Variants in RXRG observed in about 807,000 individuals in gnomAD.
RXRG encodes retinoic acid receptor RXR-gamma.
Under a neutral mutation model 49.2 loss-of-function variants are expected in RXRG, and 19 were observed. That is an observed-to-expected ratio of 0.39 (90% CI 0.27 to 0.57). The LOEUF is 0.57. RXRG is among the 20% of genes least tolerant of loss of function. The probability of loss-of-function intolerance (pLI) is 0.64; values close to 1 mark genes in which losing one functional copy is unlikely to be tolerated. For synonymous variants in RXRG, 224 were observed against 216.6 expected, an observed-to-expected ratio of 1.03 and a Z score of -0.30; for missense variants, 452 against 592.5, an observed-to-expected ratio of 0.76 and a Z score of 2.46.
At chr1:165,403,050 C>T (rs1348668023) in intron 9 of RXRG, among the ~76,000 whole-genome samples, 2 of 151,768 alleles carry the variant, frequency 1.3e-5, no homozygotes, top group Non-Finnish European at 2.9e-5. Context: ...CTCACACACT[C>T]ACTCATACAC....
chr1:165,441,514 A>G (rs1659002768), intron 1 of RXRG, among the ~76,000 whole-genome samples: 1 of 152,146 alleles, frequency 6.6e-6, no homozygotes, highest in South Asian at 2.1e-4. Context: ...TCACCTCTCA[A>G]TTCCTCTGTT....
At chr1:165,441,180 C>A (rs950082062) in intron 1 of RXRG, among the ~76,000 whole-genome samples, 2 of 152,220 alleles carry the variant, frequency 1.3e-5, no homozygotes, top group African/African-American at 4.8e-5. Context: ...AGGACTCTTG[C>A]AAATAAGTAT....
intron 1 of RXRG, among the ~76,000 whole-genome samples, chr1:165,437,809 T>C (rs1327888592): frequency 6.6e-6 from 1 of 152,222 alleles, no homozygotes; most frequent in African/African-American, 2.4e-5. Context: ...CAGGATCCCC[T>C]GGAGCCTCTC....
At chr1:165,411,869 C>A (rs559750515) in intron 4 of RXRG, among the ~76,000 whole-genome samples, 31 of 152,324 alleles carry the variant, frequency 2.0e-4, no homozygotes, top group African/African-American at 7.5e-4. Flanking sequence ...CAATTCTATG[C>A]TCTTCATCAG....
At chr1:165,402,547 C>T (rs1657613695) in intron 9 of RXRG, among the ~76,000 whole-genome samples, 1 of 104,422 alleles carries the variant, frequency 9.6e-6, no homozygotes. Context: ...ATCCTACACA[C>T]TCACACATGC....
At chr1:165,420,803 G>A (rs1212774543) in intron 2 of RXRG, among the ~76,000 whole-genome samples, 1 of 152,150 alleles carries the variant, frequency 6.6e-6, no homozygotes, top group Non-Finnish European at 1.5e-5. Context: ...TAGAAACCCA[G>A]AAGGTATATC....
In RXRG at chr1:165,411,145, T is replaced by C; in HGVS notation, c.623-36A>G. On this transcript the variant is annotated intron_variant, in intron 4 of 9. Transcript: ENST00000359842. ...GCAGGACATGCAGAGGTTACCATAA[T>C]GCCCAGGACAACAGTGGGAAAGTTT... 3.1e-6 allele frequency: 5 copies of C among 1,600,176 alleles called. No homozygotes were observed. The South Asian group carries it at 4.5e-5, about 14-fold the overall frequency.
chr1:165,406,986 G>A (rs1657775708), intron 8 of RXRG, 69 bp from the exon 9 acceptor site: 2 of 1,149,586 alleles, frequency 1.7e-6, no homozygotes, highest in African/African-American at 1.5e-5. Context: ...ATTCTCTCTG[G>A]CCACTCTCTG....
At chr1:165,408,446 A>G (rs964895985) in intron 7 of RXRG, 128 bp from the exon 8 acceptor site, 7 of 666,082 alleles carry the variant, frequency 1.1e-5, no homozygotes, top group Non-Finnish European at 1.9e-5. Context: ...TACTAGGGGT[A>G]CAGAAATGAA....
At chr1:165,411,667 G>A (rs529222432) in intron 4 of RXRG, among the ~76,000 whole-genome samples, 6 of 152,296 alleles carry the variant, frequency 3.9e-5, no homozygotes, top group South Asian at 2.1e-4. Context: ...GTGAAGGGGT[G>A]GAGGGATGTC....
intron 2 of RXRG, among the ~76,000 whole-genome samples, chr1:165,421,768 G>C (rs1658324600): frequency 6.6e-6 from 1 of 152,070 alleles, no homozygotes; most frequent in Non-Finnish European, 1.5e-5. Context: ...CTGACCTCAG[G>C]CAATCTGCCC....
rs576496820 is a variant in RXRG at position 165,424,157 on chromosome 1, C to T, written c.298-4143G>A. ...AATGTTTCCTATATCACATTATCTA[C>T]AAAGTACATAAATATCTTCCCAATG... On this transcript the variant is annotated intron_variant, in intron 2 of 9. Coordinates refer to ENST00000359842, the MANE Select transcript of RXRG (RefSeq NM_006917.5). Among the ~76,000 whole-genome samples, 8 of 152,312 alleles carry T rather than the reference C, an allele frequency of 5.3e-5. No individual in the cohort carries two copies. In the East Asian group the frequency reaches 5.8e-4, roughly 11 times the overall value.
At chr1:165,416,633 A>T (rs1219833917) in intron 4 of RXRG, among the ~76,000 whole-genome samples, 1 of 152,242 alleles carries the variant, frequency 6.6e-6, no homozygotes, top group African/African-American at 2.4e-5. Context: ...CCTGAAGGTC[A>T]GTCTGACGAT....
chr1:165,429,306 C>T (rs567345515), intron 1 of RXRG, among the ~76,000 whole-genome samples: 1 of 152,166 alleles, frequency 6.6e-6, no homozygotes, highest in African/African-American at 2.4e-5. Flanking sequence ...CCTGGGCCAG[C>T]CAGCCAGGGA....
chr1:165,423,807 T>C (rs1658399475), intron 2 of RXRG, among the ~76,000 whole-genome samples: 1 of 152,224 alleles, frequency 6.6e-6, no homozygotes, highest in South Asian at 2.1e-4. Context: ...TATGCTTTCA[T>C]CTGAAGAAAA....
At position 165,410,796 on chromosome 1, in the gene RXRG, A is replaced by T; in HGVS notation, c.819T>A (p.Ala273=). Residue 273 remains alanine, a synonymous_variant, in exon 6 of 10, where the codon GCT becomes GCA. Transcript: ENST00000359842. The part of the protein sequence containing the change: ...NDPVTNICHA[A]DKQLFTLVEW... ...CAACGAGGGTGAAAAGCTGCTTGTCAGCAGCATGACATATGTTGGTAACAG... is the reference window on the plus strand; with the variant it reads ...CAACGAGGGTGAAAAGCTGCTTGTCTGCAGCATGACATATGTTGGTAACAG... 1 of 1,614,220 alleles carries T rather than the reference A, an allele frequency of 6.2e-7. No individual in the cohort carries two copies. Among genetic ancestry groups the T allele is most frequent in the Non-Finnish European group, 8.5e-7 (1 of 1,180,022 alleles).
intron 2 of RXRG, among the ~76,000 whole-genome samples, chr1:165,422,103 C>T (rs1349371450): frequency 3.3e-5 from 5 of 152,166 alleles, no homozygotes; most frequent in Non-Finnish European, 7.4e-5. Context: ...ACCTGAGGTT[C>T]AAGGGGTCCT....
At chr1:165,429,523 CATA>C (rs1185664048) in intron 1 of RXRG, among the ~76,000 whole-genome samples, 1 of 152,208 alleles carries the variant, frequency 6.6e-6, no homozygotes, top group Non-Finnish European at 1.5e-5. Context: ...AGTCACATTC[CATA>C]ATAATGATGG....
chr1:165,427,562 C>T (rs1658529052), intron 2 of RXRG, among the ~76,000 whole-genome samples: 1 of 152,304 alleles, frequency 6.6e-6, no homozygotes, highest in East Asian at 1.9e-4. Flanking sequence ...CCTGCCTCAG[C>T]CTCCTGAGTA....
Sources: allele counts gnomAD v4.1 joint callset (sites outside exome capture counted in the v4.1 genomes callset), GRCh38; gene constraint gnomAD v4.1.1; transcripts MANE v1.5; gene names NCBI Gene and HGNC (gene_info 2026-07-23, HGNC 2026-07-21).